Variants in NRG3 observed in about 807,000 individuals in gnomAD.
The protein encoded by NRG3 is neuregulin 3, also known as pro-neuregulin-3, membrane-bound isoform.
A neutral mutation model predicts 66.9 loss-of-function variants in NRG3; 31 were observed. The ratio of observed to expected loss-of-function variants is 0.46; its 90% CI spans 0.35 to 0.63. NRG3 has a LOEUF of 0.63. NRG3 is among the 20% of genes least tolerant of loss of function. The probability of loss-of-function intolerance (pLI) is 0.00; values close to 1 mark genes in which losing one functional copy is unlikely to be tolerated. For missense variants in NRG3, 910 were observed against 878.9 expected, an observed-to-expected ratio of 1.04 and a Z score of -0.45; for synonymous variants, 393 against 359.4, an observed-to-expected ratio of 1.09 and a Z score of -1.06.
At position 82,395,179 on chromosome 10, in the gene NRG3, G is replaced by A. The variant is rs143720370; in HGVS notation, c.953+36311G>A. Among the ~76,000 whole-genome samples, 172 of 152,280 alleles carry A rather than the reference G, an allele frequency of 1.1e-3. 1 individual carries two copies. Among genetic ancestry groups the A allele is most frequent in the African/African-American group, 3.8e-3 (157 of 41,562 alleles). ...GACCCTCAAAGTACAACGCGTAAAT[G>A]CAAGATCAGCTGAAATTCAGCTAGC... On this transcript the variant is annotated intron_variant, in intron 2 of 8. Transcript: ENST00000372141.
At chr10:81,964,416 A>AAAG (rs1457041646) in intron 1 of NRG3, among the ~76,000 whole-genome samples, 1 of 129,882 alleles carries the variant, frequency 7.7e-6, no homozygotes, top group Non-Finnish European at 1.6e-5. Flanking sequence ...AAAAAAAAAA[A>AAAG]AAGAAGAATA....
intron 1 of NRG3, among the ~76,000 whole-genome samples, chr10:81,888,871 G>A (rs995686924): frequency 5.9e-5 from 9 of 152,148 alleles, no homozygotes; most frequent in Admixed American, 1.3e-4. Context: ...TTGGAGAGAG[G>A]AATGAGCAGC....
chr10:81,999,730 G>A (rs2061088430), intron 1 of NRG3, among the ~76,000 whole-genome samples: 1 of 152,118 alleles, frequency 6.6e-6, no homozygotes, highest in Admixed American at 6.5e-5. Context: ...CTATGGTTAT[G>A]CTTTAAAGTA....
chr10:82,154,212 A>G (rs2071011673), intron 1 of NRG3, among the ~76,000 whole-genome samples: 1 of 152,070 alleles, frequency 6.6e-6, no homozygotes, highest in Middle Eastern at 3.4e-3. Flanking sequence ...CAGGCCTTAT[A>G]TTTAAGTCTT....
intron 3 of NRG3, among the ~76,000 whole-genome samples, chr10:82,791,728 C>A (rs1362169275): frequency 6.6e-6 from 1 of 152,182 alleles, no homozygotes; most frequent in Non-Finnish European, 1.5e-5. Context: ...AGCTTTTTGA[C>A]AAGCTTCTTG....
At chr10:81,923,758 C>G (rs1407028875) in intron 1 of NRG3, among the ~76,000 whole-genome samples, 1 of 152,098 alleles carries the variant, frequency 6.6e-6, no homozygotes, top group Non-Finnish European at 1.5e-5. Context: ...TGTCCCTTCT[C>G]TGAACCACAT....
At chr10:82,785,348 G>A (rs1476689586) in intron 3 of NRG3, among the ~76,000 whole-genome samples, 1 of 149,892 alleles carries the variant, frequency 6.7e-6, no homozygotes, top group Non-Finnish European at 1.5e-5. Context: ...AAAACTTAAA[G>A]TATAATAATA....
intron 1 of NRG3, among the ~76,000 whole-genome samples, chr10:81,970,942 C>G (rs1184220987): frequency 6.6e-6 from 1 of 152,240 alleles, no homozygotes; most frequent in Admixed American, 6.5e-5. Context: ...GAGTTCGAGT[C>G]CAGCCTGGCC....
In NRG3 at chr10:81,891,329, T is replaced by C. The variant is rs369321043; in HGVS notation, c.823+15166T>C. Among the ~76,000 whole-genome samples, 22 of 152,336 alleles carry C rather than the reference T, an allele frequency of 1.4e-4. 2 individuals are homozygous for C. The highest frequency in any genetic ancestry group is 5.0e-4 in the African/African-American group (21 of 41,586). ...GACTATATGGCTCTATTCCTGACCA[T>C]GTACTCTCTGTAAGGTTTGGCATGG... On this transcript the variant is annotated intron_variant, in intron 1 of 8. Transcript: ENST00000372141.
At chr10:82,941,066 C>T (rs913348044) in intron 4 of NRG3, among the ~76,000 whole-genome samples, 3 of 152,076 alleles carry the variant, frequency 2.0e-5, no homozygotes, top group South Asian at 4.2e-4. Flanking sequence ...GACATGGAGC[C>T]TTTTAGTACC....
At chr10:82,090,260 G>T (rs1209707005) in intron 1 of NRG3, among the ~76,000 whole-genome samples, 1 of 152,132 alleles carries the variant, frequency 6.6e-6, no homozygotes, top group Non-Finnish European at 1.5e-5. Flanking sequence ...TGAATACATA[G>T]TTTCAATAGG....
At chr10:82,194,968 T>A (rs1021855594) in intron 1 of NRG3, among the ~76,000 whole-genome samples, 1 of 152,150 alleles carries the variant, frequency 6.6e-6, no homozygotes, top group Non-Finnish European at 1.5e-5. Context: ...TTTCTAATTA[T>A]CTTGCAAGGC....
chr10:82,460,389 A>G (rs2091458505), intron 2 of NRG3, among the ~76,000 whole-genome samples: 1 of 152,230 alleles, frequency 6.6e-6, no homozygotes, highest in African/African-American at 2.4e-5. Context: ...CTTACAAATC[A>G]TGTCTACAAA....
chr10:82,195,273 T>A (rs2074383604), intron 1 of NRG3, among the ~76,000 whole-genome samples: 2 of 152,320 alleles, frequency 1.3e-5, no homozygotes, highest in Admixed American at 1.3e-4. Flanking sequence ...TGTTCATGTT[T>A]CCATGGACAC....
At chr10:82,711,703 G>T (rs145253112) in intron 2 of NRG3, among the ~76,000 whole-genome samples, 1,642 of 152,024 alleles carry the variant, frequency 0.011, 30 homozygotes, top group African/African-American at 0.038. Flanking sequence ...CACATATGAC[G>T]ATTTGATTTC....
At chr10:82,868,715 T>C (rs1311264502) in intron 4 of NRG3, among the ~76,000 whole-genome samples, 1 of 152,196 alleles carries the variant, frequency 6.6e-6, no homozygotes, top group Non-Finnish European at 1.5e-5. Context: ...TTTTTTGAGA[T>C]GGAGTCTCAC....
intron 6 of NRG3, among the ~76,000 whole-genome samples, chr10:82,965,721 G>GT (rs1458324137): frequency 6.6e-6 from 1 of 152,016 alleles, no homozygotes; most frequent in Non-Finnish European, 1.5e-5. Flanking sequence ...GGGCAACAGA[G>GT]TAAGACTCTG....
chr10:82,135,349 G>A (rs533153388), intron 1 of NRG3, among the ~76,000 whole-genome samples: 2 of 152,068 alleles, frequency 1.3e-5, no homozygotes, highest in South Asian at 4.1e-4. Flanking sequence ...TTGGCATGCT[G>A]TAACTTTCTT....
intron 1 of NRG3, among the ~76,000 whole-genome samples, chr10:82,330,888 T>A (rs1469375234): frequency 6.6e-6 from 1 of 152,236 alleles, no homozygotes; most frequent in Non-Finnish European, 1.5e-5. Flanking sequence ...ATCCATTTAA[T>A]GTCTCAGTTC....
Sources: gnomAD v4.1 joint callset for allele counts (sites outside exome capture counted in the v4.1 genomes callset) on GRCh38, gnomAD v4.1.1 for gene constraint, MANE v1.5 for transcripts, NCBI Gene and HGNC (gene_info 2026-07-23, HGNC 2026-07-21) for gene names.